The following ALDH1A2 variants were observed in gnomAD, a reference collection of about 807,000 sequenced individuals.
ALDH1A2 encodes retinal dehydrogenase 2.
In ALDH1A2, 27 loss-of-function variants were observed where a neutral mutation model predicts 60.3. That is an observed-to-expected ratio of 0.45 (90% CI 0.33 to 0.62). ALDH1A2 has a LOEUF of 0.62. ALDH1A2 is among the 20% of genes least tolerant of loss of function. The pLI, the probability that ALDH1A2 is intolerant of heterozygous loss-of-function variation, is 0.02. For synonymous variants in ALDH1A2, 289 were observed against 232.4 expected (o/e 1.24, Z -2.21); for missense variants, 581 against 643.8 (o/e 0.90, Z 1.06).
At chr15:58,044,114 A>T (rs1479284972) in intron 1 of ALDH1A2, among the ~76,000 whole-genome samples, 1 of 151,958 alleles carries the variant, frequency 6.6e-6, no homozygotes, top group African/African-American at 2.4e-5. Flanking sequence ...GGCTGACCAG[A>T]TCCGAGTGAT....
Position 57,953,889 on chromosome 15 carries a change from A to T in ALDH1A2, c.*1308T>A, listed in dbSNP as rs1428412359. The T allele has an allele frequency of 6.6e-6, 1 of 152,458 alleles. No individual in the cohort carries two copies. Among genetic ancestry groups the T allele is most frequent in the Non-Finnish European group, 1.5e-5 (1 of 68,062 alleles). 9.4% of individuals were successfully genotyped at this position (152,458 alleles called of 1,614,324 possible). A position where few individuals can be genotyped will look rare whatever the true frequency, so the allele number is the denominator to read the frequency against. ...GAAAGATGGAAGAAGGGATGGAAGA[A>T]GGAAAGGAAGCTAACACTTCCCACA... is the stretch of plus-strand genomic sequence containing the variant. On this transcript the variant is annotated 3_prime_UTR_variant, in exon 13 of 13. Transcript: ENST00000249750.
At chr15:57,961,015 C>A in intron 11 of ALDH1A2, 122 bp downstream of exon 11, 1 of 1,404,606 alleles carries the variant, frequency 7.1e-7, no homozygotes, top group Non-Finnish European at 9.9e-7. Context: ...GGAGTGTACC[C>A]CTTTTCTGGT....
At chr15:58,012,855 G>A (rs539983874) in intron 3 of ALDH1A2, among the ~76,000 whole-genome samples, 1 of 152,258 alleles carries the variant, frequency 6.6e-6, no homozygotes, top group Non-Finnish European at 1.5e-5. Flanking sequence ...CCAAGTAGGG[G>A]AAAGGATATA....
intron 4 of ALDH1A2, among the ~76,000 whole-genome samples, chr15:58,001,087 T>G (rs1895252974): frequency 6.7e-6 from 1 of 148,842 alleles, no homozygotes; most frequent in South Asian, 2.1e-4. Context: ...CTGTAGAGCC[T>G]TATAATTTTC....
intron 12 of ALDH1A2, among the ~76,000 whole-genome samples, chr15:57,957,977 T>C (rs1311839333): frequency 6.6e-6 from 1 of 151,846 alleles, no homozygotes; most frequent in Non-Finnish European, 1.5e-5. Context: ...TGGATCCCAG[T>C]GTTTGGGTGT....
intron 1 of ALDH1A2, among the ~76,000 whole-genome samples, chr15:58,058,449 A>G (rs1896947850): frequency 7.0e-6 from 1 of 143,184 alleles, no homozygotes; most frequent in Admixed American, 7.1e-5. Flanking sequence ...ATCTTTAAGG[A>G]ATCACTAGAA....
chr15:58,010,832 A>G (rs907991814), intron 3 of ALDH1A2, 54 bp from the exon 4 acceptor site: 5 of 1,603,822 alleles, frequency 3.1e-6, no homozygotes, highest in Non-Finnish European at 4.3e-6. Flanking sequence ...CCAGCGATAC[A>G]CTAATTTCTA....
intron 1 of ALDH1A2, among the ~76,000 whole-genome samples, chr15:58,025,248 T>A (rs971564192): frequency 6.6e-6 from 1 of 152,086 alleles, no homozygotes; most frequent in African/African-American, 2.4e-5. Context: ...AACAAAAAGC[T>A]GGTTCTTTGA....
intron 10 of ALDH1A2, among the ~76,000 whole-genome samples, chr15:57,961,578 C>T (rs753970976): frequency 3.9e-5 from 6 of 152,294 alleles, no homozygotes; most frequent in East Asian, 1.9e-4. Flanking sequence ...TGGCATCCTC[C>T]GTGATCCTGC....
chr15:57,988,894 C>T lies in ALDH1A2; in HGVS notation c.798+3811G>A, dbSNP rs772168751. Among the ~76,000 whole-genome samples, 9 of 152,140 alleles carry T rather than the reference C, an allele frequency of 5.9e-5. No homozygotes were observed. The South Asian group carries it at 1.2e-3, about 21-fold the overall frequency. ...CTACCTGATATTGTTATGTGCCGGG[C>T]GCAGTGGCTCACACCTGTAATCCCA... is the stretch of plus-strand genomic sequence containing the variant. On this transcript the variant is annotated intron_variant, in intron 7 of 12. Transcript: ENST00000249750.
At chr15:58,015,741 A>G (rs1462717656) in intron 1 of ALDH1A2, among the ~76,000 whole-genome samples, 1 of 152,212 alleles carries the variant, frequency 6.6e-6, no homozygotes, top group Non-Finnish European at 1.5e-5. Flanking sequence ...AGTCCAAAGA[A>G]GCAGGTTCTT....
chr15:57,992,650 C>A (rs772830536), intron 7 of ALDH1A2, 55 bp downstream of exon 7: 83 of 1,501,810 alleles, frequency 5.5e-5, no homozygotes, highest in Non-Finnish European at 7.2e-5. Context: ...GTTTTTGTAA[C>A]CCCTCAACTC....
intron 1 of ALDH1A2, among the ~76,000 whole-genome samples, chr15:58,026,512 C>G (rs1249752388): frequency 6.6e-6 from 1 of 152,150 alleles, no homozygotes; most frequent in Non-Finnish European, 1.5e-5. Flanking sequence ...TTCACTGGGA[C>G]TGGTTCGACA....
At position 57,965,837 on chromosome 15, in the gene ALDH1A2, G is replaced by C; in HGVS notation, c.799-10C>G. On this transcript the variant is annotated splice_polypyrimidine_tract_variant and intron_variant, in intron 7 of 12. Coordinates refer to ENST00000249750, the MANE Select transcript of ALDH1A2 (RefSeq NM_003888.4). ...GGATAAGCTTTCCAACCTGAAAGAAGGGAAATGGAGACAGGTTTTGCAAAT... is the reference window on the plus strand; with the variant it reads ...GGATAAGCTTTCCAACCTGAAAGAACGGAAATGGAGACAGGTTTTGCAAAT... 1.2e-6 allele frequency: 2 copies of C among 1,611,082 alleles called. No individual in the cohort carries two copies. The highest frequency in any genetic ancestry group is 1.7e-6 in the Non-Finnish European group (2 of 1,177,256).
chr15:58,060,461 A>AATTTTTTTTTTTTT (rs1566964196), intron 1 of ALDH1A2, among the ~76,000 whole-genome samples: 1 of 111,796 alleles, frequency 8.9e-6, no homozygotes. Context: ...TGCCACACAT[A>AATTTTTTTTTTTTT]TCTTTTTTTT....
chr15:57,956,086 ATC>A (rs879885942), intron 12 of ALDH1A2, among the ~76,000 whole-genome samples: 4 of 152,110 alleles, frequency 2.6e-5, no homozygotes, highest in Non-Finnish European at 4.4e-5. Flanking sequence ...GGGCTTGAAT[ATC>A]TCTGTCTTCC....
chr15:58,002,079 G>A (rs932519187), intron 4 of ALDH1A2, among the ~76,000 whole-genome samples: 1 of 151,840 alleles, frequency 6.6e-6, no homozygotes, highest in Non-Finnish European at 1.5e-5. Flanking sequence ...CCCAGTCAGA[G>A]GTAACTTTTC....
intron 5 of ALDH1A2, among the ~76,000 whole-genome samples, 154 bp from the exon 6 acceptor site, chr15:57,993,227 A>C (rs192400374): frequency 6.6e-6 from 1 of 152,352 alleles, no homozygotes; most frequent in East Asian, 1.9e-4. Flanking sequence ...TACTTCATTA[A>C]GAATAGAATA....
chr15:58,015,129 G>C (rs946531116), intron 1 of ALDH1A2, among the ~76,000 whole-genome samples: 2 of 152,104 alleles, frequency 1.3e-5, no homozygotes, highest in Non-Finnish European at 2.9e-5. Context: ...AATCTTAGAG[G>C]ACATACGAAG....
Sources: gnomAD v4.1 joint callset for allele counts (sites outside exome capture counted in the v4.1 genomes callset) on GRCh38, gnomAD v4.1.1 for gene constraint, MANE v1.5 for transcripts, NCBI Gene and HGNC (gene_info 2026-07-23, HGNC 2026-07-21) for gene names.